PCYT1B: variants seen among roughly 807,000 people sequenced by gnomAD.
PCYT1B encodes the protein choline-phosphate cytidylyltransferase B.
Under a neutral mutation model 26.4 loss-of-function variants are expected in PCYT1B, and 10 were observed. The observed-to-expected ratio is 0.38, with a 90% CI of 0.23 to 0.64. The LOEUF (loss-of-function observed/expected upper bound fraction) is 0.64, where lower values mean the gene tolerates loss of function less well. Among genes scored for constraint, PCYT1B ranks in the 30% least tolerant of loss-of-function variants. The probability of loss-of-function intolerance (pLI) is 0.56; values close to 1 mark genes in which losing one functional copy is unlikely to be tolerated. For missense variants in PCYT1B, 161 were observed against 292.7 expected (o/e 0.55, Z 3.28); for synonymous variants, 131 against 108.4 (o/e 1.21, Z -1.29).
Position 24,562,258 on chromosome X carries a change from T to A in PCYT1B, c.*35A>T. 1 of 1,162,526 alleles carries A rather than the reference T, an allele frequency of 8.6e-7. No homozygotes were observed. The highest frequency in any genetic ancestry group is 1.2e-6 in the Non-Finnish European group (1 of 869,515). ...CCTGTGACTCTCGCCCTCCTCCCCA[T>A]CCTGCATGGTGCGGCTCTTGCCTCC... On this transcript the variant is annotated 3_prime_UTR_variant, in exon 8 of 8. Coordinates refer to ENST00000379144, the MANE Select transcript of PCYT1B (RefSeq NM_004845.5).
At chrX:24,630,663 T>C in intron 1 of PCYT1B, among the ~76,000 whole-genome samples, 1 of 112,179 alleles carries the variant, frequency 8.9e-6, no homozygotes, top group East Asian at 2.8e-4. Flanking sequence ...CAGTCCTCTA[T>C]ATTTCAAAAA....
intron 1 of PCYT1B, chrX:24,621,832 A>AGATAAG: frequency 1.4e-6 from 1 of 728,097 alleles, no homozygotes; most frequent in Non-Finnish European, 1.6e-6. Flanking sequence ...ATTAAAGAGG[A>AGATAAG]GATAAGGTGT....
intron 6 of PCYT1B, among the ~76,000 whole-genome samples, chrX:24,577,213 G>A (rs754205558): frequency 9.0e-6 from 1 of 111,321 alleles, no homozygotes; most frequent in East Asian, 2.8e-4. Context: ...CACCTCTGAG[G>A]TTCCGTGATT....
Position 24,624,237 on chromosome X carries a change from G to C in PCYT1B, c.118-5153C>G, listed in dbSNP as rs911955233. Among the ~76,000 whole-genome samples the C allele has an allele frequency of 5.4e-5, 6 of 111,509 alleles. No homozygotes were observed. The East Asian group carries it at 1.7e-3, about 31-fold the overall frequency. ...GCCCGCCTTGGCCTCCCAAAGTGCT[G>C]GGATTACAGGCATGAGCCACCGCGC... is the stretch of plus-strand genomic sequence containing the variant. On this transcript the variant is annotated intron_variant, in intron 1 of 7. Coordinates refer to ENST00000379144, the MANE Select transcript of PCYT1B (RefSeq NM_004845.5).
At chrX:24,626,618 G>A (rs956737518) in intron 1 of PCYT1B, among the ~76,000 whole-genome samples, 2 of 112,046 alleles carry the variant, frequency 1.8e-5, no homozygotes, top group African/African-American at 3.2e-5. Context: ...TAGCAGGGAT[G>A]GGGGAGGGAG....
chrX:24,663,909 A>G (rs1927076045), intron 1 of PCYT1B, among the ~76,000 whole-genome samples: 1 of 109,386 alleles, frequency 9.1e-6, no homozygotes, highest in African/African-American at 3.5e-5. Context: ...ACAGAGCGAG[A>G]TTCCGTCTCA....
At chrX:24,588,866 A>G (rs1165580823) in intron 4 of PCYT1B, among the ~76,000 whole-genome samples, 2 of 111,697 alleles carry the variant, frequency 1.8e-5, no homozygotes, top group Non-Finnish European at 3.8e-5. Context: ...GCTGAAAAAC[A>G]ATTAGTACGG....
chrX:24,624,211 C>T (rs767105401), intron 1 of PCYT1B, among the ~76,000 whole-genome samples: 4 of 110,871 alleles, frequency 3.6e-5, no homozygotes, highest in East Asian at 5.7e-4. Flanking sequence ...CCTCGTGATC[C>T]GCCCGCCTTG....
At position 24,672,515 on chromosome X, in the gene PCYT1B, G is replaced by C. The variant is rs1277817124; in HGVS notation, c.63+55C>G. ...GCAGATACATAGGACTTTACTTTTT[G>C]AACTGACTTTGATATTCAATAAGGC... On this transcript the variant is annotated intron_variant, in intron 1 of 7. Coordinates refer to the PCYT1B transcript ENST00000379145. The C allele has an allele frequency of 5.2e-6, 5 of 954,911 alleles. No homozygotes were observed. The East Asian group carries it at 1.2e-4, about 24-fold the overall frequency. The allele number at this position is 954,911 out of a possible 1,213,427, so 78.7% of individuals were successfully genotyped here.
intron 7 of PCYT1B, among the ~76,000 whole-genome samples, chrX:24,568,036 C>T (rs981403973): frequency 7.1e-5 from 8 of 111,900 alleles, no homozygotes; most frequent in African/African-American, 2.3e-4. Context: ...TTAAAGGTTT[C>T]AGTATTTCAG....
intron 1 of PCYT1B, among the ~76,000 whole-genome samples, chrX:24,640,401 A>T (rs1926429759): frequency 8.9e-6 from 1 of 112,250 alleles, no homozygotes; most frequent in African/African-American, 3.2e-5. Context: ...TCTTCTTTTC[A>T]TGATCCTTCT....
chrX:24,569,110 C>T (rs762351496), intron 7 of PCYT1B, among the ~76,000 whole-genome samples: 2 of 110,968 alleles, frequency 1.8e-5, no homozygotes, highest in Non-Finnish European at 3.8e-5. Context: ...AAAACAACAA[C>T]AACAACAATC....
At chrX:24,587,717 A>T (rs1924417575) in intron 4 of PCYT1B, among the ~76,000 whole-genome samples, 1 of 111,866 alleles carries the variant, frequency 8.9e-6, no homozygotes, top group Non-Finnish European at 1.9e-5. Flanking sequence ...ATGGGCACTC[A>T]CACTTAGGTC....
intron 5 of PCYT1B, among the ~76,000 whole-genome samples, chrX:24,580,987 C>A (rs1328168246): frequency 8.9e-6 from 1 of 111,819 alleles, no homozygotes; most frequent in Admixed American, 9.5e-5. Flanking sequence ...CAACCAAGTT[C>A]CCAATCTACT....
In PCYT1B at chrX:24,560,394, G is replaced by C. The variant is rs1174444129; in HGVS notation, c.*1899C>G. The C allele has an allele frequency of 8.9e-6, 1 of 111,843 alleles. No individual in the cohort carries two copies. Among genetic ancestry groups the C allele is most frequent in the Non-Finnish European group, 1.9e-5 (1 of 53,183 alleles). The allele number at this position is 111,843 out of a possible 1,213,427, so 9.2% of individuals were successfully genotyped here. A position where few individuals can be genotyped will look rare whatever the true frequency, so the allele number is the denominator to read the frequency against. On this transcript the variant is annotated 3_prime_UTR_variant, in exon 8 of 8. Coordinates refer to ENST00000379144, the MANE Select transcript of PCYT1B (RefSeq NM_004845.5). ...GGCTTGACCTGAGTGCATGATGGAAGACAGAGACCAAATGGAAGAATGAGG... is the reference window on the plus strand; with the variant it reads ...GGCTTGACCTGAGTGCATGATGGAACACAGAGACCAAATGGAAGAATGAGG...
chrX:24,566,494 G>A (rs1259055222), intron 7 of PCYT1B, among the ~76,000 whole-genome samples: 6 of 111,939 alleles, frequency 5.4e-5, no homozygotes, highest in Admixed American at 4.8e-4. Flanking sequence ...GTGATAACCC[G>A]AAATGCTAAC....
intron 1 of PCYT1B, among the ~76,000 whole-genome samples, chrX:24,620,936 G>A (rs776681474): frequency 9.0e-6 from 1 of 111,555 alleles, no homozygotes; most frequent in Non-Finnish European, 1.9e-5. Context: ...CTAATAGGCC[G>A]GCCCATCATG....
At chrX:24,608,982 T>C (rs898090638) in intron 2 of PCYT1B, among the ~76,000 whole-genome samples, 5 of 111,201 alleles carry the variant, frequency 4.5e-5, no homozygotes, top group African/African-American at 1.6e-4. Flanking sequence ...GGAACTAGAA[T>C]GTGAAAATCC....
chrX:24,581,682 C>A (rs1924211465), intron 5 of PCYT1B, among the ~76,000 whole-genome samples: 1 of 112,264 alleles, frequency 8.9e-6, no homozygotes, highest in African/African-American at 3.2e-5. Context: ...AGGGATCATG[C>A]CTTTCTCGTC....
Sources: allele counts gnomAD v4.1 joint callset (sites outside exome capture counted in the v4.1 genomes callset), GRCh38; gene constraint gnomAD v4.1.1; transcripts MANE v1.5; gene names NCBI Gene and HGNC (gene_info 2026-07-23, HGNC 2026-07-21).